MAP3K5: variants seen among roughly 807,000 people sequenced by gnomAD.
The protein encoded by MAP3K5 is ASK-1.
A neutral mutation model predicts 158.7 loss-of-function variants in MAP3K5; 56 were observed. The ratio of observed to expected loss-of-function variants is 0.35; its 90% CI spans 0.28 to 0.44. The LOEUF (loss-of-function observed/expected upper bound fraction) is 0.44. MAP3K5 is among the 20% of genes least tolerant of loss of function. The pLI is 1.00. For missense variants in MAP3K5, 1,294 were observed against 1,674.8 expected, an observed-to-expected ratio of 0.77 and a Z score of 3.97; for synonymous variants, 579 against 601.7, an observed-to-expected ratio of 0.96 and a Z score of 0.55.
chr6:136,562,837 A>ATTTTTTT lies in MAP3K5; in HGVS notation c.3762-229_3762-223dup, dbSNP rs3040779. Among the ~76,000 whole-genome samples the ATTTTTTT allele has an allele frequency of 8.0e-3, 998 of 124,814 alleles. 29 individuals are homozygous for ATTTTTTT. Among genetic ancestry groups the ATTTTTTT allele is most frequent in the African/African-American group, 0.023 (748 of 32,192 alleles). The allele number at this position is 124,814 out of a possible 152,430, so 81.9% of individuals were successfully genotyped here. On this transcript the variant is annotated intron_variant, in intron 26 of 29. Coordinates refer to ENST00000359015, the MANE Select transcript of MAP3K5 (RefSeq NM_005923.4). ...AGACATGCACCACCATGCCTGGCTA[A>ATTTTTTT]TTTTTTTTTTTTTTTTTTTTGTAGA...
chr6:136,652,248 G>C (rs1221307926), intron 10 of MAP3K5, among the ~76,000 whole-genome samples: 2 of 152,096 alleles, frequency 1.3e-5, no homozygotes, highest in Admixed American at 1.3e-4. Flanking sequence ...TTAAGGTACA[G>C]GGAACTAGAG....
chr6:136,686,402 A>G (rs566669384), intron 7 of MAP3K5, among the ~76,000 whole-genome samples: 1 of 152,214 alleles, frequency 6.6e-6, no homozygotes, highest in Non-Finnish European at 1.5e-5. Flanking sequence ...TATTCAACAT[A>G]GTATTGGAAG....
In MAP3K5 at chr6:136,786,102, G is replaced by A. The variant is rs112493724; in HGVS notation, c.448+5608C>T. Among the ~76,000 whole-genome samples the A allele has an allele frequency of 7.5e-3, 1,146 of 152,198 alleles. 12 individuals carry two copies. Among genetic ancestry groups the A allele is most frequent in the African/African-American group, 0.026 (1,073 of 41,522 alleles). On this transcript the variant is annotated intron_variant, in intron 1 of 29. Transcript: ENST00000359015. ...TTAAAAAAAATTTAGGGCTGGGCGC[G>A]GTGGCTCACGCCTGTAATCCCAGCA...
At chr6:136,631,442 CAGAAA>C (rs547700849) in intron 14 of MAP3K5, among the ~76,000 whole-genome samples, 1 of 151,724 alleles carries the variant, frequency 6.6e-6, no homozygotes, top group African/African-American at 2.4e-5. Flanking sequence ...GGCCAATCAT[CAGAAA>C]AGAAAACAGT....
At position 136,567,843 on chromosome 6, in the gene MAP3K5, C is replaced by T. The variant is rs1774187229; in HGVS notation, c.3549G>A (p.Glu1183=). Residue 1183 remains glutamate (E), a synonymous_variant, in exon 26 of 30, where the codon GAG becomes GAA. Coordinates refer to ENST00000359015, the MANE Select transcript of MAP3K5 (RefSeq NM_005923.4). ...ELRPHFSLAS[E]SDTADQEDLD... ...AGTCTTCTTGATCAGCAGTATCACTCTCAGATGCAAGGCTGAAATGTGGCC... is the reference window on the plus strand; with the variant it reads ...AGTCTTCTTGATCAGCAGTATCACTTTCAGATGCAAGGCTGAAATGTGGCC... 1.2e-6 allele frequency: 2 copies of T among 1,614,012 alleles called. No individual in the cohort carries two copies. Among genetic ancestry groups the T allele is most frequent in the Non-Finnish European group, 1.7e-6 (2 of 1,179,924 alleles).
In MAP3K5 at chr6:136,613,164, A is replaced by G. The variant is rs761375284; in HGVS notation, c.2371T>C (p.Leu791=). The G allele has an allele frequency of 6.2e-7, 1 of 1,613,222 alleles. No homozygotes were observed. The highest frequency in any genetic ancestry group is 8.5e-7 in the Non-Finnish European group (1 of 1,179,632). The change falls in exon 17 of 30, where the codon TTA becomes CTA. Residue 791 remains leucine (L), a synonymous_variant. Transcript: ENST00000359015. The surrounding 1 kb of genome is among the most constrained non-coding windows in gnomAD (Gnocchi z 4.0). ...ATCTGATTGTCATGGAGATATTTTA[A>G]TCCTTCCAGTATTTGCTTTGTATAA... ...GFYTKQILEG[L]KYLHDNQIVH...
intron 19 of MAP3K5, among the ~76,000 whole-genome samples, chr6:136,604,463 T>C (rs371797244): frequency 6.6e-6 from 1 of 152,162 alleles, no homozygotes; most frequent in African/African-American, 2.4e-5. Flanking sequence ...CCTTAGAAAG[T>C]AGCAGATGTG....
At chr6:136,696,658 G>T (rs1780611683) in intron 5 of MAP3K5, among the ~76,000 whole-genome samples, 1 of 152,076 alleles carries the variant, frequency 6.6e-6, no homozygotes, top group Non-Finnish European at 1.5e-5. Flanking sequence ...AACTTGGAGA[G>T]GATTTTATTC....
intron 8 of MAP3K5, among the ~76,000 whole-genome samples, chr6:136,660,976 ATATCT>A (rs1307310366): frequency 1.2e-4 from 18 of 151,668 alleles, no homozygotes; most frequent in African/African-American, 3.2e-4. Context: ...TCAAACTCAG[ATATCT>A]TATCTTAACA....
chr6:136,673,001 A>AG (rs1262919063), intron 7 of MAP3K5, among the ~76,000 whole-genome samples: 2 of 151,048 alleles, frequency 1.3e-5, no homozygotes, highest in Non-Finnish European at 3.0e-5. Flanking sequence ...AAAAAAAAAA[A>AG]AAAAGAAAAA....
chr6:136,637,978 G>T (rs995930061), intron 13 of MAP3K5, among the ~76,000 whole-genome samples: 1 of 152,118 alleles, frequency 6.6e-6, no homozygotes, highest in African/African-American at 2.4e-5. Context: ...ATAAAGAACT[G>T]TTCTGGCCAT....
At chr6:136,644,321 G>A (rs1778137440) in intron 11 of MAP3K5, among the ~76,000 whole-genome samples, 1 of 152,146 alleles carries the variant, frequency 6.6e-6, no homozygotes, top group South Asian at 2.1e-4. Context: ...CTACCTGTAG[G>A]ACACACCACA....
At chr6:136,675,171 A>G (rs766981375) in intron 7 of MAP3K5, among the ~76,000 whole-genome samples, 1 of 152,012 alleles carries the variant, frequency 6.6e-6, no homozygotes, top group Non-Finnish European at 1.5e-5. Context: ...ACCTAATAGC[A>G]TGGCTTCAAA....
chr6:136,637,659 AG>A (rs550615128), intron 13 of MAP3K5, among the ~76,000 whole-genome samples: 1,889 of 76,922 alleles, frequency 0.025, 42 homozygotes, highest in African/African-American at 0.18. Context: ...CTTCTTGTAA[AG>A]TTTTTTTTTT....
intron 1 of MAP3K5, among the ~76,000 whole-genome samples, chr6:136,755,103 T>C (rs1238732340): frequency 1.3e-5 from 2 of 152,084 alleles, no homozygotes; most frequent in East Asian, 3.9e-4. Context: ...GTTGATCTTT[T>C]TAAAAATGCT....
intron 5 of MAP3K5, among the ~76,000 whole-genome samples, chr6:136,696,973 T>C (rs924357269): frequency 1.3e-5 from 2 of 152,236 alleles, no homozygotes; most frequent in African/African-American, 4.8e-5. Flanking sequence ...CAGATTTTTC[T>C]TTTTGTTCTT....
chr6:136,714,830 A>G (rs1364437376), intron 2 of MAP3K5, among the ~76,000 whole-genome samples: 1 of 152,082 alleles, frequency 6.6e-6, no homozygotes, highest in Non-Finnish European at 1.5e-5. Context: ...AAATGTTACA[A>G]ATTTTGGTTT....
At chr6:136,587,722 T>C (rs894437488) in intron 23 of MAP3K5, among the ~76,000 whole-genome samples, 8 of 152,236 alleles carry the variant, frequency 5.3e-5, no homozygotes, top group Non-Finnish European at 8.8e-5. Flanking sequence ...CCATTATGGA[T>C]TCAGCATGTG....
At chr6:136,623,095 G>C (rs1306143559) in intron 14 of MAP3K5, 114 bp from the exon 15 acceptor site, 1 of 922,620 alleles carries the variant, frequency 1.1e-6, no homozygotes, top group South Asian at 1.5e-5. Flanking sequence ...GCATTAACAG[G>C]CTGAAGTTCT....
Sources: gnomAD v4.1 joint callset for allele counts (sites outside exome capture counted in the v4.1 genomes callset) on GRCh38, gnomAD v4.1.1 for gene constraint, Gnocchi (gnomAD v3.1) non-coding constraint, MANE v1.5 for transcripts, NCBI Gene and HGNC (gene_info 2026-07-23, HGNC 2026-07-21) for gene names.